C5orf22: variants seen among roughly 807,000 people sequenced by gnomAD.
The protein encoded by C5orf22 is UPF0489 protein C5orf22.
In C5orf22, 36 loss-of-function variants were observed where a neutral mutation model predicts 48.7. The ratio of observed to expected loss-of-function variants is 0.74; its 90% CI spans 0.57 to 0.98. The LOEUF is 0.98. Among genes scored for constraint, C5orf22 ranks in the 50% least tolerant of loss-of-function variants. The pLI, the probability that C5orf22 is intolerant of heterozygous loss-of-function variation, is 0.00. For synonymous variants in C5orf22, 141 were observed against 180.8 expected (o/e 0.78, Z 1.76); for missense variants, 486 against 521.9 (o/e 0.93, Z 0.67).
At chr5:31,533,268 A>T (rs1431743892) in intron 1 of C5orf22, among the ~76,000 whole-genome samples, 1 of 151,934 alleles carries the variant, frequency 6.6e-6, no homozygotes, top group Non-Finnish European at 1.5e-5. Context: ...TTGCGTAAAA[A>T]AAAAAAAAAA....
In C5orf22 at chr5:31,535,733, T is replaced by G; in HGVS notation, c.228-11T>G. The G allele has an allele frequency of 6.3e-7, 1 of 1,575,124 alleles. No individual in the cohort carries two copies. The highest frequency in any genetic ancestry group is 8.6e-7 in the Non-Finnish European group (1 of 1,164,506). On this transcript the variant is annotated splice_polypyrimidine_tract_variant and intron_variant, in intron 2 of 8. Coordinates refer to ENST00000325366, the MANE Select transcript of C5orf22 (RefSeq NM_018356.3). ...AAAAGTTTTAATGTTGTCTCTATGTTTCTTTTCCAGAGAATTAAGTATTGA... is the reference window on the plus strand; with the variant it reads ...AAAAGTTTTAATGTTGTCTCTATGTGTCTTTTCCAGAGAATTAAGTATTGA...
intron 4 of C5orf22, among the ~76,000 whole-genome samples, chr5:31,540,501 G>C (rs535081738): frequency 1.3e-5 from 2 of 152,178 alleles, no homozygotes; most frequent in Non-Finnish European, 2.9e-5. Flanking sequence ...TGTTGTTAGA[G>C]AAATGGCTGC....
At chr5:31,546,442 C>T (rs1382546432) in intron 7 of C5orf22, among the ~76,000 whole-genome samples, 1 of 152,126 alleles carries the variant, frequency 6.6e-6, no homozygotes, top group African/African-American at 2.4e-5. Flanking sequence ...AGTCAGACCA[C>T]TGTGTTTGAC....
At chr5:31,542,459 C>A (rs1251440436) in intron 6 of C5orf22, among the ~76,000 whole-genome samples, 2 of 47,712 alleles carry the variant, frequency 4.2e-5, no homozygotes, top group Non-Finnish European at 1.2e-4. Flanking sequence ...TTTTCTGAGA[C>A]TCCGTCTCAA....
At chr5:31,548,333 A>G (rs1197269838) in intron 7 of C5orf22, among the ~76,000 whole-genome samples, 2 of 151,898 alleles carry the variant, frequency 1.3e-5, no homozygotes, top group Non-Finnish European at 2.9e-5. Context: ...CTTTAACAGC[A>G]CCCATGTCAC....
chr5:31,553,153 GTTTTTTT>G lies in C5orf22; in HGVS notation c.*256_*262del. ...TTCCTTAAGTATTTTTTAGGGTTTTGTTTTTTTTTTTGTTTGTTTGTTTGTTTGTCTT... is the reference window on the plus strand; with the variant it reads ...TTCCTTAAGTATTTTTTAGGGTTTTGTTTTGTTTGTTTGTTTGTTTGTCTT... On this transcript the variant is annotated 3_prime_UTR_variant, in exon 9 of 9. Transcript: ENST00000325366. The G allele has an allele frequency of 3.8e-6, 1 of 263,858 alleles. No homozygotes were observed. The highest frequency in any genetic ancestry group is 7.1e-5 in the South Asian group (1 of 14,082). 16.3% of individuals were successfully genotyped at this position (263,858 alleles called of 1,614,324 possible). A position where few individuals can be genotyped will look rare whatever the true frequency, so the allele number is the denominator to read the frequency against.
chr5:31,534,169 C>A, intron 1 of C5orf22, 103 bp from the exon 2 acceptor site: 2 of 997,666 alleles, frequency 2.0e-6, no homozygotes, highest in South Asian at 1.6e-5. Context: ...ACATAGTATG[C>A]TTTCAATTAT....
chr5:31,542,295 CAA>C (rs762874710), intron 6 of C5orf22, among the ~76,000 whole-genome samples: 7 of 131,124 alleles, frequency 5.3e-5, no homozygotes, highest in African/African-American at 5.6e-5. Context: ...CTAAAAATAC[CAA>C]AAAAAAAAAA....
intron 5 of C5orf22, 95 bp downstream of exon 5, chr5:31,541,106 G>GTC: frequency 2.9e-5 from 1 of 34,248 alleles, no homozygotes; most frequent in South Asian, 3.2e-4. Context: ...ACTGCTCAAA[G>GTC]TGTGTGTGTG....
chr5:31,534,758 C>T (rs189361244), intron 2 of C5orf22, among the ~76,000 whole-genome samples: 300 of 152,266 alleles, frequency 2.0e-3, no homozygotes, highest in South Asian at 4.4e-3. Context: ...AGCCTGTAGT[C>T]CCAGCTACTC....
intron 7 of C5orf22, among the ~76,000 whole-genome samples, chr5:31,546,006 A>G (rs1308341590): frequency 6.6e-6 from 1 of 152,226 alleles, no homozygotes; most frequent in African/African-American, 2.4e-5. Flanking sequence ...CAGACAAAAG[A>G]AAAGTACACA....
Position 31,545,656 on chromosome 5 carries a change from C to G in C5orf22, c.1003C>G (p.Leu335Val), listed in dbSNP as rs1742836261. The G allele has an allele frequency of 6.2e-7, 1 of 1,610,784 alleles. No homozygotes were observed. The highest frequency in any genetic ancestry group is 8.5e-7 in the Non-Finnish European group (1 of 1,178,048). The change falls in exon 7 of 9, where the codon CTA (leucine) becomes GTA (valine). Residue 335 changes from leucine (L) to valine (V), a missense_variant. Physicochemically the swap from Leu to Val is conservative, Grantham distance 32 (BLOSUM62 1). Around this residue, in one of 3 missense-constraint regions of C5orf22, gnomAD observed 408 missense variants for 444.0 expected, o/e 0.92. Coordinates refer to ENST00000325366, the MANE Select transcript of C5orf22 (RefSeq NM_018356.3). Reference sequence around the variant, plus strand: ...ATGGCTTTTTTCCAGAATGGAATCACTAGTTCCCCTTGTACAGAGTTTGAA... The same window carrying G: ...ATGGCTTTTTTCCAGAATGGAATCAGTAGTTCCCCTTGTACAGAGTTTGAA... The part of the protein sequence containing the change: ...RWASNPGMES[L>V]VPLVQSLKKR...
At chr5:31,534,440 GT>G in intron 2 of C5orf22, 23 bp downstream of exon 2, 1 of 1,588,098 alleles carries the variant, frequency 6.3e-7, no homozygotes, top group Non-Finnish European at 8.6e-7. Flanking sequence ...TTTATTTATG[GT>G]CTTTTGTGTT....
chr5:31,547,566 T>C (rs550682343), intron 7 of C5orf22, among the ~76,000 whole-genome samples: 1 of 152,378 alleles, frequency 6.6e-6, no homozygotes, highest in South Asian at 2.1e-4. Flanking sequence ...TTCTGAAATC[T>C]GGGCAGAGGT....
chr5:31,539,578 T>G (rs569771714), intron 4 of C5orf22, among the ~76,000 whole-genome samples: 10 of 152,236 alleles, frequency 6.6e-5, no homozygotes, highest in Admixed American at 1.3e-4. Context: ...TCAGTGGCAG[T>G]TATTCCTTTT....
chr5:31,541,100 C>G, intron 5 of C5orf22, 89 bp downstream of exon 5: 1 of 1,105,862 alleles, frequency 9.0e-7, no homozygotes, highest in South Asian at 1.4e-5. Context: ...TCAAAGACTG[C>G]TCAAAGTGTG....
chr5:31,540,822 A>G lies in C5orf22; in HGVS notation c.808-127A>G, dbSNP rs754873284. 5 of 698,890 alleles carry G rather than the reference A, an allele frequency of 7.2e-6. No individual in the cohort carries two copies. The African/African-American group carries it at 7.2e-5, about 10-fold the overall frequency. The allele number at this position is 698,890 out of a possible 1,614,324, so 43.3% of individuals were successfully genotyped here. ...TACATTTTGCCTGATTCTCCCATACATACCTTTAAATAATTATCTAAGATG... is the reference window on the plus strand; with the variant it reads ...TACATTTTGCCTGATTCTCCCATACGTACCTTTAAATAATTATCTAAGATG... On this transcript the variant is annotated intron_variant, in intron 4 of 8. Transcript: ENST00000325366.
In C5orf22 at chr5:31,538,678, A is replaced by C. The variant is rs565430930; in HGVS notation, c.796A>C (p.Met266Leu). The change falls in exon 4 of 9, where the codon ATG becomes CTG. Residue 266 changes from methionine to leucine, a missense_variant. Transcript: ENST00000325366. Reference sequence around the variant, plus strand: ...TTCAGTCAAGAATCCCTTCAAAGAAATGTTCACTCAGGTAAATAATTGTGT... The same window carrying C: ...TTCAGTCAAGAATCCCTTCAAAGAACTGTTCACTCAGGTAAATAATTGTGT... Reference protein sequence around the residue: ...FFSVKNPFKEMFTQEEYKILQ... With the variant: ...FFSVKNPFKELFTQEEYKILQ... 3 of 1,608,958 alleles carry C rather than the reference A, an allele frequency of 1.9e-6. No individual in the cohort carries two copies. Among genetic ancestry groups the C allele is most frequent in the Non-Finnish European group, 2.5e-6 (3 of 1,176,576 alleles).
chr5:31,536,439 C>T (rs1234381602), intron 3 of C5orf22, among the ~76,000 whole-genome samples: 8 of 152,198 alleles, frequency 5.3e-5, no homozygotes, highest in African/African-American at 1.9e-4. Context: ...AGGAGAATGG[C>T]GTGAACCCAG....
Sources: gnomAD v4.1 joint callset for allele counts (sites outside exome capture counted in the v4.1 genomes callset) on GRCh38, gnomAD v4.1.1 for gene constraint, gnomAD v4.1.1 regional missense constraint, MANE v1.5 for transcripts, NCBI Gene and HGNC (gene_info 2026-07-23, HGNC 2026-07-21) for gene names.